CHODL: variants seen among roughly 807,000 people sequenced by gnomAD.
CHODL encodes the protein chondrolectin, also known as transmembrane protein MT75.
CHODL carries 29 observed loss-of-function variants against 34.5 expected under a neutral mutation model. The ratio of observed to expected loss-of-function variants is 0.84; its 90% CI spans 0.63 to 1.15. The LOEUF is 1.15. CHODL is among the 50% of genes most tolerant of loss of function. The pLI, the probability that CHODL is intolerant of heterozygous loss-of-function variation, is 0.00. For missense variants in CHODL, 332 were observed against 332.5 expected (o/e 1.00, Z 0.01); for synonymous variants, 125 against 116.1 (o/e 1.08, Z -0.49).
chr21:17,919,025 G>A (rs1233987681), intron 1 of CHODL, among the ~76,000 whole-genome samples: 1 of 152,220 alleles, frequency 6.6e-6, no homozygotes, highest in Non-Finnish European at 1.5e-5. Context: ...TGTGAGAGGT[G>A]GGCTCCCATC....
chr21:17,959,778 A>G (rs564465703), intron 1 of CHODL, among the ~76,000 whole-genome samples: 1 of 152,312 alleles, frequency 6.6e-6, no homozygotes, highest in African/African-American at 2.4e-5. Context: ...ATTTTCCTGC[A>G]TTTCCATACT....
intron 2 of CHODL, among the ~76,000 whole-genome samples, chr21:18,147,533 ATTTTC>A (rs1367255129): frequency 2.6e-5 from 4 of 152,190 alleles, no homozygotes; most frequent in African/African-American, 9.7e-5. Flanking sequence ...AATTTCTATT[ATTTTC>A]TTATAATCAC....
intron 1 of CHODL, among the ~76,000 whole-genome samples, chr21:17,955,564 A>G (rs1220752480): frequency 7.3e-6 from 1 of 137,094 alleles, no homozygotes; most frequent in Non-Finnish European, 1.7e-5. Flanking sequence ...CTCTTTAGAC[A>G]GTCACCAGGG....
At chr21:17,973,704 G>T (rs2063637697) in intron 1 of CHODL, among the ~76,000 whole-genome samples, 1 of 151,258 alleles carries the variant, frequency 6.6e-6, no homozygotes, top group African/African-American at 2.4e-5. Context: ...ATAGGCGTGA[G>T]CCACCGCGCC....
intron 1 of CHODL, among the ~76,000 whole-genome samples, chr21:17,978,367 A>G (rs2063684424): frequency 6.8e-6 from 1 of 146,836 alleles, no homozygotes; most frequent in South Asian, 2.2e-4. Flanking sequence ...GCTTGCAATG[A>G]GCCAAGATGG....
At chr21:17,992,042 T>A (rs1047859619) in intron 1 of CHODL, among the ~76,000 whole-genome samples, 13 of 152,166 alleles carry the variant, frequency 8.5e-5, no homozygotes, top group African/African-American at 2.9e-4. Context: ...CTCTGCATAT[T>A]GATATCCAGT....
intron 1 of CHODL, among the ~76,000 whole-genome samples, chr21:17,973,385 C>A (rs2063632528): frequency 6.7e-6 from 1 of 150,128 alleles, no homozygotes; most frequent in Non-Finnish European, 1.5e-5. Flanking sequence ...TTTTTGCAAT[C>A]TACTATGCAT....
intron 5 of CHODL, among the ~76,000 whole-genome samples, chr21:18,265,308 CACAT>C (rs1382685037): frequency 2.4e-5 from 3 of 123,328 alleles, no homozygotes; most frequent in Admixed American, 7.7e-5. Flanking sequence ...CACACACACA[CACAT>C]ATATATATAT....
intron 2 of CHODL, among the ~76,000 whole-genome samples, chr21:18,045,275 G>A (rs2146459677): frequency 6.6e-6 from 1 of 152,006 alleles, no homozygotes; most frequent in South Asian, 2.1e-4. Flanking sequence ...ATATAAACAT[G>A]CCCCAGACCT....
chr21:17,978,409 G>C (rs1410726402), intron 1 of CHODL, among the ~76,000 whole-genome samples: 1 of 135,730 alleles, frequency 7.4e-6, no homozygotes. Flanking sequence ...GGCACAGAGC[G>C]AGACTCCGTA....
chr21:17,965,331 G>T (rs1333534837), intron 1 of CHODL, among the ~76,000 whole-genome samples: 1 of 152,062 alleles, frequency 6.6e-6, no homozygotes, highest in East Asian at 1.9e-4. Context: ...TTCACCATAT[G>T]CTGGAAACTG....
chr21:18,216,448 C>G (rs2073829055), intron 2 of CHODL, among the ~76,000 whole-genome samples: 1 of 151,938 alleles, frequency 6.6e-6, no homozygotes, highest in Non-Finnish European at 1.5e-5. Context: ...CATTACACTT[C>G]CCACTCATAG....
At chr21:17,954,016 A>G (rs563875847) in intron 1 of CHODL, among the ~76,000 whole-genome samples, 2 of 145,308 alleles carry the variant, frequency 1.4e-5, no homozygotes, top group Non-Finnish European at 3.0e-5. Flanking sequence ...CTCAAAAAAA[A>G]TTTTTTTAAA....
At chr21:18,054,885 G>A (rs923599148) in intron 2 of CHODL, among the ~76,000 whole-genome samples, 2 of 152,012 alleles carry the variant, frequency 1.3e-5, no homozygotes, top group South Asian at 2.1e-4. Flanking sequence ...CTATGTCCCC[G>A]ATTTCTTAAC....
intron 2 of CHODL, among the ~76,000 whole-genome samples, chr21:18,111,425 G>C (rs1451850394): frequency 6.6e-6 from 1 of 152,186 alleles, no homozygotes; most frequent in Non-Finnish European, 1.5e-5. Context: ...TGTCGGCTAC[G>C]CCAGCATGGG....
At chr21:17,993,745 G>A (rs1439941716) in intron 1 of CHODL, among the ~76,000 whole-genome samples, 1 of 152,186 alleles carries the variant, frequency 6.6e-6, no homozygotes, top group Admixed American at 6.5e-5. Flanking sequence ...TAATGGGATG[G>A]ATAGGTAGAA....
At chr21:18,258,248 C>G (rs2146816324) in intron 3 of CHODL, among the ~76,000 whole-genome samples, 1 of 152,096 alleles carries the variant, frequency 6.6e-6, no homozygotes, top group South Asian at 2.1e-4. Flanking sequence ...CGTCATTACC[C>G]TCCTGGAAGT....
chr21:18,092,115 C>T (rs181909851), intron 2 of CHODL, among the ~76,000 whole-genome samples: 3 of 152,060 alleles, frequency 2.0e-5, no homozygotes, highest in East Asian at 1.9e-4. Flanking sequence ...TTGGTGGCCA[C>T]GGAAATGCTT....
intron 2 of CHODL, among the ~76,000 whole-genome samples, chr21:18,094,742 C>CAAAAA (rs3984979): frequency 7.9e-6 from 1 of 126,540 alleles, no homozygotes; most frequent in Non-Finnish European, 1.7e-5. Context: ...ATGTCTACAT[C>CAAAAA]AAAAAAAAAA....
Sources: allele counts gnomAD v4.1 joint callset (sites outside exome capture counted in the v4.1 genomes callset), GRCh38; gene constraint gnomAD v4.1.1; transcripts MANE v1.5; gene names NCBI Gene and HGNC (gene_info 2026-07-23, HGNC 2026-07-21).